Variants in DIRAS2 observed in about 807,000 individuals in gnomAD.
DIRAS2 encodes the protein GTP-binding protein Di-Ras2.
A neutral mutation model predicts 13.9 loss-of-function variants in DIRAS2; 5 were observed. That is an observed-to-expected ratio of 0.36 (90% CI 0.19 to 0.76). DIRAS2 has a LOEUF of 0.76. DIRAS2 is among the 30% of genes least tolerant of loss of function. The probability of loss-of-function intolerance (pLI) is 0.53; values close to 1 mark genes in which losing one functional copy is unlikely to be tolerated. For synonymous variants in DIRAS2, 111 were observed against 105.4 expected, an observed-to-expected ratio of 1.05 and a Z score of -0.33; for missense variants, 191 against 263.0, an observed-to-expected ratio of 0.73 and a Z score of 1.89.
intron 1 of DIRAS2, among the ~76,000 whole-genome samples, chr9:90,637,961 C>T (rs937491929): frequency 2.0e-5 from 3 of 152,176 alleles, no homozygotes; most frequent in Admixed American, 6.5e-5. Context: ...AAAATTAGGC[C>T]TCATCTGAAA....
At chr9:90,629,999 C>A (rs1263373579) in intron 1 of DIRAS2, among the ~76,000 whole-genome samples, 2 of 152,190 alleles carry the variant, frequency 1.3e-5, no homozygotes, top group Non-Finnish European at 2.9e-5. Context: ...TAGAATGATT[C>A]TCTTTCAACA....
In DIRAS2 at chr9:90,615,281, T is replaced by G. The variant is rs1000994328; in HGVS notation, c.-36-1418A>C. Among the ~76,000 whole-genome samples the G allele has an allele frequency of 3.9e-5, 6 of 152,350 alleles. No individual in the cohort carries two copies. In the South Asian group the frequency reaches 1.2e-3, roughly 32 times the overall value. On this transcript the variant is annotated intron_variant, in intron 1 of 1. Transcript: ENST00000375765. ...AGGTATTCCACCTTCTCATTTTGCC[T>G]CATGCGTCTGCCTACAAATCTGCTC...
At chr9:90,637,142 C>T (rs1825378872) in intron 1 of DIRAS2, among the ~76,000 whole-genome samples, 1 of 152,168 alleles carries the variant, frequency 6.6e-6, no homozygotes, top group African/African-American at 2.4e-5. Flanking sequence ...AATTGAAGTA[C>T]AGTTTCTACC....
rs374520910 is a variant in DIRAS2, at chr9:90,613,163, T to C, written c.*65A>G. ...ATTATACATGCTACCCTGACGACGGTGGGTGTCATTTTGGGGGAGTGAGGT... is the reference window on the plus strand; with the variant it reads ...ATTATACATGCTACCCTGACGACGGCGGGTGTCATTTTGGGGGAGTGAGGT... On this transcript the variant is annotated 3_prime_UTR_variant, in exon 2 of 2. Transcript: ENST00000375765. The surrounding 1 kb of genome is among the most constrained non-coding windows in gnomAD (Gnocchi z 5.6). 7.7e-6 allele frequency: 12 copies of C among 1,560,854 alleles called. No individual in the cohort carries two copies. The African/African-American group carries it at 1.6e-4, about 21-fold the overall frequency.
intron 1 of DIRAS2, among the ~76,000 whole-genome samples, chr9:90,634,124 C>T (rs1031542929): frequency 1.3e-5 from 2 of 152,048 alleles, no homozygotes; most frequent in Non-Finnish European, 2.9e-5. Flanking sequence ...TCTGGTCCCC[C>T]TAGAAATGCA....
intron 1 of DIRAS2, among the ~76,000 whole-genome samples, chr9:90,635,529 G>T (rs1401040776): frequency 1.3e-5 from 2 of 152,234 alleles, no homozygotes; most frequent in African/African-American, 4.8e-5. Context: ...CATGCTTCAT[G>T]TAAGGTCCAC....
At chr9:90,642,158 T>C (rs979934574) in intron 1 of DIRAS2, among the ~76,000 whole-genome samples, 1 of 152,286 alleles carries the variant, frequency 6.6e-6, no homozygotes, top group Non-Finnish European at 1.5e-5. Context: ...CATTGTCATC[T>C]GATGGGAAAC....
intron 1 of DIRAS2, chr9:90,625,938 C>T (rs1825264550): frequency 6.6e-6 from 1 of 152,138 alleles, no homozygotes; most frequent in Non-Finnish European, 1.5e-5. Flanking sequence ...AATCCCAGCA[C>T]TTTAGAAGAC....
chr9:90,627,380 A>G (rs372786554), intron 1 of DIRAS2, among the ~76,000 whole-genome samples: 5 of 152,340 alleles, frequency 3.3e-5, no homozygotes, highest in African/African-American at 1.2e-4. Context: ...ATGCTACAAC[A>G]CGGATGAACC....
intron 1 of DIRAS2, among the ~76,000 whole-genome samples, chr9:90,640,405 T>C (rs1825408555): frequency 6.6e-6 from 1 of 152,232 alleles, no homozygotes; most frequent in Non-Finnish European, 1.5e-5. Flanking sequence ...CCATGTCATA[T>C]AATGAAAACT....
chr9:90,639,226 T>C (rs1012268596), intron 1 of DIRAS2, among the ~76,000 whole-genome samples: 6 of 152,304 alleles, frequency 3.9e-5, no homozygotes, highest in African/African-American at 1.4e-4. Context: ...GTTCAGGGAT[T>C]AGATAAAGAA....
intron 1 of DIRAS2, among the ~76,000 whole-genome samples, chr9:90,632,578 CT>C (rs902201001): frequency 2.0e-5 from 3 of 152,166 alleles, no homozygotes; most frequent in African/African-American, 7.2e-5. Context: ...ATGCAATTTC[CT>C]TTTTTAAAAA....
chr9:90,615,835 C>T (rs1749794887), intron 1 of DIRAS2, among the ~76,000 whole-genome samples: 1 of 152,190 alleles, frequency 6.6e-6, no homozygotes, highest in African/African-American at 2.4e-5. Flanking sequence ...GCCCCACTTC[C>T]AAATACCATG....
At chr9:90,615,341 G>A (rs760145218) in intron 1 of DIRAS2, among the ~76,000 whole-genome samples, 3 of 152,066 alleles carry the variant, frequency 2.0e-5, no homozygotes, top group Non-Finnish European at 2.9e-5. Flanking sequence ...ATGCACTTTG[G>A]AATCCCAAAC....
Position 90,611,904 on chromosome 9 carries a change from AGTGGGCTCTTCCCAGG to A in DIRAS2, c.*1308_*1323del. On this transcript the variant is annotated 3_prime_UTR_variant, in exon 2 of 2. Coordinates refer to ENST00000375765, the MANE Select transcript of DIRAS2 (RefSeq NM_017594.5). ...CTACGATGGCAGAGCAATTAAGCTG[AGTGGGCTCTTCCCAGG>A]GCAGAGAAGCCTGCCTGTCTCCAGC... 1.3e-5 allele frequency: 2 copies of A among 152,268 alleles called. No homozygotes were observed. Among genetic ancestry groups the A allele is most frequent in the African/African-American group, 4.8e-5 (2 of 41,464 alleles). 9.4% of individuals were successfully genotyped at this position (152,268 alleles called of 1,614,324 possible).
chr9:90,622,028 G>A (rs907086298), intron 1 of DIRAS2, among the ~76,000 whole-genome samples: 13 of 152,192 alleles, frequency 8.5e-5, no homozygotes, highest in Non-Finnish European at 4.4e-5. Flanking sequence ...GAGGCAGGAG[G>A]ATTGCTTGAG....
intron 1 of DIRAS2, among the ~76,000 whole-genome samples, chr9:90,624,389 C>T (rs1249279219): frequency 6.6e-6 from 1 of 151,750 alleles, no homozygotes; most frequent in African/African-American, 2.4e-5. Context: ...GAATGCTTTT[C>T]CCGGAATCTT....
chr9:90,642,139 G>A (rs947215056), intron 1 of DIRAS2, among the ~76,000 whole-genome samples: 35 of 152,270 alleles, frequency 2.3e-4, no homozygotes, highest in African/African-American at 8.0e-4. Context: ...CCTGGGAGCT[G>A]TCAGCAGTCA....
intron 1 of DIRAS2, among the ~76,000 whole-genome samples, chr9:90,633,192 G>C (rs141532181): frequency 0.01 from 1,546 of 152,310 alleles, 32 homozygotes; most frequent in African/African-American, 0.036. Flanking sequence ...CTGTCAAGTG[G>C]ACAATTTGGT....
Sources: allele counts gnomAD v4.1 joint callset (sites outside exome capture counted in the v4.1 genomes callset), GRCh38; gene constraint gnomAD v4.1.1; non-coding constraint Gnocchi (gnomAD v3.1); transcripts MANE v1.5; gene names NCBI Gene and HGNC (gene_info 2026-07-23, HGNC 2026-07-21).